SPATA7: variants seen among roughly 807,000 people sequenced by gnomAD.
The protein encoded by SPATA7 is spermatogenesis-associated protein 7.
SPATA7 carries 43 observed loss-of-function variants against 51.8 expected under a neutral mutation model. The observed-to-expected ratio is 0.83, with a 90% CI of 0.65 to 1.07. The LOEUF (loss-of-function observed/expected upper bound fraction) is 1.07. Among genes scored for constraint, SPATA7 ranks in the 50% least tolerant of loss-of-function variants. The pLI, the probability that SPATA7 is intolerant of heterozygous loss-of-function variation, is 0.00. For missense variants in SPATA7, 683 were observed against 701.3 expected (o/e 0.97, Z 0.30); for synonymous variants, 230 against 252.8 (o/e 0.91, Z 0.86).
intron 10 of SPATA7, among the ~76,000 whole-genome samples, chr14:88,434,902 T>C (rs2077043826): frequency 6.6e-6 from 1 of 151,836 alleles, no homozygotes; most frequent in Non-Finnish European, 1.5e-5. Flanking sequence ...CTACTAACTC[T>C]GAGGTTGGTT....
Position 88,385,658 on chromosome 14 carries a change from C to G in SPATA7, c.-161C>G. 1 of 737,560 alleles carries G rather than the reference C, an allele frequency of 1.4e-6. No homozygotes were observed. The highest frequency in any genetic ancestry group is 1.5e-5 in the South Asian group (1 of 67,454). The allele number at this position is 737,560 out of a possible 1,614,324, so 45.7% of individuals were successfully genotyped here. ...GCCGTGACGTCACAATAGCGACTCA[C>G]TGGACCCAGCCCTTAGCAACGGCCT... On this transcript the variant is annotated 5_prime_UTR_variant, in exon 1 of 12. Coordinates refer to ENST00000393545, the MANE Select transcript of SPATA7 (RefSeq NM_018418.5).
chr14:88,463,217 T>C (rs999658724), intron 4 of SPATA7, among the ~76,000 whole-genome samples: 2 of 152,124 alleles, frequency 1.3e-5, no homozygotes, highest in African/African-American at 2.4e-5. Context: ...AAGGAGGACA[T>C]ATAAGTGGCA....
intron 3 of SPATA7, among the ~76,000 whole-genome samples, chr14:88,394,141 T>C (rs1012005875): frequency 7.9e-5 from 12 of 152,230 alleles, no homozygotes; most frequent in Non-Finnish European, 1.6e-4. Context: ...TTTCAATCTT[T>C]TACATATTGT....
chr14:88,461,357 C>G (rs1055944976), intron 4 of SPATA7, among the ~76,000 whole-genome samples: 11 of 152,188 alleles, frequency 7.2e-5, no homozygotes, highest in Non-Finnish European at 1.6e-4. Flanking sequence ...TGGGCTCCAC[C>G]CAGTTCGAGC....
chr14:88,393,353 ATTAG>A, intron 2 of SPATA7, 36 bp from the exon 3 acceptor site: 1 of 1,315,078 alleles, frequency 7.6e-7, no homozygotes, highest in Non-Finnish European at 1.1e-6. Context: ...TGATTTTTAT[ATTAG>A]TTTTAAATAT....
At chr14:88,440,598 C>G (rs1424314880), downstream of SPATA7, among the ~76,000 whole-genome samples, 1 of 152,156 alleles carries the variant, frequency 6.6e-6, no homozygotes, top group East Asian at 1.9e-4. Context: ...TCTTCCTTCT[C>G]ACACAGCCCA....
intron 4 of SPATA7, chr14:88,466,588 A>G (rs74072628): frequency 0.04 from 6,133 of 152,286 alleles, 405 homozygotes; most frequent in African/African-American, 0.14. Flanking sequence ...GAAAAGGGAA[A>G]GGGTTCCTCA....
At chr14:88,464,191 A>C (rs148391531) in intron 4 of SPATA7, among the ~76,000 whole-genome samples, 1 of 152,050 alleles carries the variant, frequency 6.6e-6, no homozygotes, top group African/African-American at 2.4e-5. Context: ...TGGAGTTCTT[A>C]TTTCCAGGAA....
intron 3 of SPATA7, among the ~76,000 whole-genome samples, chr14:88,453,561 C>A (rs187253442): frequency 2.2e-4 from 33 of 152,264 alleles, no homozygotes; most frequent in Non-Finnish European, 3.7e-4. Flanking sequence ...ATTTCTCAGA[C>A]CTCACGGGGA....
chr14:88,436,772 G>T (rs1417846151), intron 10 of SPATA7, among the ~76,000 whole-genome samples: 1 of 152,014 alleles, frequency 6.6e-6, no homozygotes, highest in Non-Finnish European at 1.5e-5. Flanking sequence ...TCTCTATTCT[G>T]TTCCATTGGT....
rs2076885984 is a variant in SPATA7 at position 88,429,548 on chromosome 14, C to G, written c.1028+85C>G. On this transcript the variant is annotated intron_variant, in intron 8 of 11. Coordinates refer to ENST00000393545, the MANE Select transcript of SPATA7 (RefSeq NM_018418.5). ...ACATATAGTATTTGCCGCATAAGTA[C>G]TATTTAATTGCATGCTCCAATCTAT... 7.2e-6 allele frequency: 6 copies of G among 833,694 alleles called. No individual in the cohort carries two copies. In the Admixed American group the frequency reaches 1.2e-4, roughly 16 times the overall value. The allele number at this position is 833,694 out of a possible 1,614,324, so 51.6% of individuals were successfully genotyped here.
chr14:88,449,676 T>C (rs572460741), intron 3 of SPATA7, among the ~76,000 whole-genome samples: 180 of 152,284 alleles, frequency 1.2e-3, no homozygotes, highest in Admixed American at 2.4e-3. Context: ...CAGTGGAGTA[T>C]TGAAGTCCCC....
chr14:88,468,129 G>T (rs1369453284), intron 4 of SPATA7: 1 of 1,613,848 alleles, frequency 6.2e-7, no homozygotes, highest in Non-Finnish European at 8.5e-7. Context: ...GTAAGAAATT[G>T]TGGGAGCTTA....
intron 4 of SPATA7, among the ~76,000 whole-genome samples, chr14:88,397,289 C>A (rs1201736737): frequency 2.0e-5 from 3 of 152,158 alleles, no homozygotes; most frequent in Non-Finnish European, 4.4e-5. Flanking sequence ...TTGCTTTTTC[C>A]TATTTGTTTA....
rs886050874 is a variant in SPATA7, at chr14:88,438,301, A to C, written c.1679A>C (p.Asn560Thr). Residue 560 changes from asparagine (N) to threonine (T), a missense_variant, in exon 12 of 12, where the codon AAC (asparagine) becomes ACC (threonine). Physicochemically the swap from Asn to Thr is moderately conservative, Grantham distance 65 (BLOSUM62 0). Transcript: ENST00000393545. ...VEISNGLCGLNTSPSQSVQFS... is the reference protein window; with the variant it reads ...VEISNGLCGLTTSPSQSVQFS... ...ATTTCAAATGGATTATGTGGTCTTAACACATCACCCTCCCAATCTGTTCAG... is the reference window on the plus strand; with the variant it reads ...ATTTCAAATGGATTATGTGGTCTTACCACATCACCCTCCCAATCTGTTCAG... The C allele has an allele frequency of 3.1e-6, 5 of 1,613,918 alleles. No homozygotes were observed. The highest frequency in any genetic ancestry group is 4.2e-6 in the Non-Finnish European group (5 of 1,179,946).
chr14:88,463,832 T>C (rs1170392904), intron 4 of SPATA7, among the ~76,000 whole-genome samples: 3 of 145,506 alleles, frequency 2.1e-5, no homozygotes, highest in African/African-American at 8.0e-5. Flanking sequence ...TCCTGACATT[T>C]CCTTATTTTT....
downstream of SPATA7, among the ~76,000 whole-genome samples, chr14:88,442,312 C>T (rs1425601910): frequency 6.6e-6 from 1 of 152,106 alleles, no homozygotes; most frequent in Non-Finnish European, 1.5e-5. Context: ...ACCTCAGCCT[C>T]CCAAGTAGCT....
intron 6 of SPATA7, among the ~76,000 whole-genome samples, chr14:88,426,948 G>A (rs60619170): frequency 0.035 from 5,402 of 152,248 alleles, 311 homozygotes; most frequent in African/African-American, 0.12. Flanking sequence ...TATTTCAAGC[G>A]TGGTTCAAGA....
At chr14:88,448,701 A>G (rs939572757) in intron 3 of SPATA7, among the ~76,000 whole-genome samples, 1 of 152,004 alleles carries the variant, frequency 6.6e-6, no homozygotes, top group African/African-American at 2.4e-5. Flanking sequence ...TTTCCTTCTA[A>G]CAGTCAGGAC....
Sources: allele counts gnomAD v4.1 joint callset (sites outside exome capture counted in the v4.1 genomes callset), GRCh38; gene constraint gnomAD v4.1.1; transcripts MANE v1.5; gene names NCBI Gene and HGNC (gene_info 2026-07-23, HGNC 2026-07-21).